Variants in GLIS3 observed in about 807,000 individuals in gnomAD.
GLIS3 encodes the protein zinc finger protein GLIS3.
A neutral mutation model predicts 78.6 loss-of-function variants in GLIS3; 53 were observed. That is an observed-to-expected ratio of 0.67 (90% CI 0.54 to 0.85). The LOEUF (loss-of-function observed/expected upper bound fraction) is 0.85, where lower values mean the gene tolerates loss of function less well. GLIS3 is among the 40% of genes least tolerant of loss of function. GLIS3 has a pLI of 0.00. For synonymous variants in GLIS3, 684 were observed against 509.9 expected (o/e 1.34, Z -4.60); for missense variants, 1,703 against 1,231.1 (o/e 1.38, Z -5.74).
At chr9:3,879,368 G>T in intron 8 of GLIS3, 59 bp downstream of exon 8, 1 of 1,522,166 alleles carries the variant, frequency 6.6e-7, no homozygotes, top group Non-Finnish European at 9.1e-7. Flanking sequence ...CAAGGCACTT[G>T]TCTGTGAAGG....
At chr9:4,047,188 G>A (rs992490201) in intron 4 of GLIS3, among the ~76,000 whole-genome samples, 78 of 152,150 alleles carry the variant, frequency 5.1e-4, no homozygotes, top group Admixed American at 2.9e-3. Context: ...TTTCACAAGG[G>A]GCTCTTCCCC....
chr9:4,300,775 G>A (rs1817035787), upstream of GLIS3, among the ~76,000 whole-genome samples: 1 of 151,842 alleles, frequency 6.6e-6, no homozygotes, highest in Admixed American at 6.6e-5. Context: ...GTTGTTACAA[G>A]AAAGTCTGCT....
At chr9:4,378,454 C>A in the GLIS3 span, among the ~76,000 whole-genome samples, 1 of 152,124 alleles carries the variant, frequency 6.6e-6, no homozygotes, top group East Asian at 1.9e-4. Flanking sequence ...CTCAGTCCAG[C>A]TTTTCCTGAC....
the GLIS3 span, among the ~76,000 whole-genome samples, chr9:4,358,660 G>A: frequency 1.3e-5 from 2 of 152,002 alleles, no homozygotes; most frequent in Non-Finnish European, 2.9e-5. Flanking sequence ...CATGGCCTTG[G>A]CATGCCTTGT....
At chr9:4,093,079 T>G (rs1179732139) in intron 4 of GLIS3, among the ~76,000 whole-genome samples, 1 of 152,150 alleles carries the variant, frequency 6.6e-6, no homozygotes, top group Non-Finnish European at 1.5e-5. Context: ...GACCAACATG[T>G]TGTTATGTGG....
the GLIS3 span, among the ~76,000 whole-genome samples, chr9:4,371,209 A>T: frequency 6.6e-6 from 1 of 152,176 alleles, no homozygotes; most frequent in Non-Finnish European, 1.5e-5. Context: ...GGGAAACACA[A>T]TTTCCATCGG....
In GLIS3 at chr9:4,309,870, T is replaced by G. The variant is rs74793210; in HGVS notation, n.392+531A>C. Among the ~76,000 whole-genome samples, 5 of 151,940 alleles carry G rather than the reference T, an allele frequency of 3.3e-5. No individual in the cohort carries two copies. The South Asian group carries it at 1.0e-3, about 32-fold the overall frequency. ...CAAGATGTAGAACTTTGTATTAGAG[T>G]ACAATAAAATTTATAATGCACAAAT... On this transcript the variant is annotated intron_variant and non_coding_transcript_variant, in intron 3 of 4. Coordinates refer to the GLIS3 transcript ENST00000471664.
At chr9:4,167,504 G>T (rs1023087690) in intron 2 of GLIS3, among the ~76,000 whole-genome samples, 2 of 152,176 alleles carry the variant, frequency 1.3e-5, no homozygotes, top group Admixed American at 1.3e-4. Context: ...CTTGAAGAGA[G>T]GACAGTGTCT....
At chr9:4,467,613 A>G in the GLIS3 span, among the ~76,000 whole-genome samples, 1 of 152,240 alleles carries the variant, frequency 6.6e-6, no homozygotes, top group Non-Finnish European at 1.5e-5. Flanking sequence ...GGACATCCAC[A>G]CCAAAACCCC....
intron 4 of GLIS3, among the ~76,000 whole-genome samples, chr9:3,953,346 A>G (rs1330299163): frequency 6.6e-6 from 1 of 152,218 alleles, no homozygotes; most frequent in South Asian, 2.1e-4. Context: ...GGTCCCCTTT[A>G]TCTCTTAGGA....
intron 8 of GLIS3, among the ~76,000 whole-genome samples, chr9:3,862,754 C>G (rs1222944851): frequency 1.3e-5 from 2 of 152,032 alleles, no homozygotes; most frequent in Non-Finnish European, 2.9e-5. Context: ...TTTTCTTTCC[C>G]TCCGCCCCCC....
intron 1 of GLIS3, among the ~76,000 whole-genome samples, chr9:4,297,279 C>T (rs1368575748): frequency 1.3e-5 from 2 of 152,166 alleles, no homozygotes; most frequent in African/African-American, 2.4e-5. Flanking sequence ...AGGTCATCTT[C>T]GAGCCAAGAA....
At chr9:4,310,702 C>A (rs1817336808) in intron 2 of GLIS3, among the ~76,000 whole-genome samples, 1 of 151,988 alleles carries the variant, frequency 6.6e-6, no homozygotes, top group Non-Finnish European at 1.5e-5. Context: ...CAAGGACCTC[C>A]TACAATGAGC....
intron 4 of GLIS3, among the ~76,000 whole-genome samples, chr9:3,984,091 C>T (rs1819531801): frequency 6.6e-6 from 1 of 152,138 alleles, no homozygotes; most frequent in Non-Finnish European, 1.5e-5. Flanking sequence ...CTGTGTGCAG[C>T]CTAGGGACTG....
intron 6 of GLIS3, among the ~76,000 whole-genome samples, chr9:3,924,568 C>A (rs1175663486): frequency 6.6e-6 from 1 of 152,122 alleles, no homozygotes; most frequent in Non-Finnish European, 1.5e-5. Context: ...GTGAAGTCAC[C>A]CTGAAAACAA....
At chr9:4,397,721 G>GA in the GLIS3 span, among the ~76,000 whole-genome samples, 1 of 54,958 alleles carries the variant, frequency 1.8e-5, no homozygotes, top group African/African-American at 6.5e-5. Flanking sequence ...AGGGAGGGAG[G>GA]GAGGGAGGGA....
At chr9:4,237,640 T>A (rs556332123) in intron 2 of GLIS3, among the ~76,000 whole-genome samples, 83 of 152,360 alleles carry the variant, frequency 5.4e-4, no homozygotes, top group African/African-American at 1.9e-3. Flanking sequence ...TCCATAAATG[T>A]ACATTTAGAA....
chr9:4,373,562 G>T, the GLIS3 span, among the ~76,000 whole-genome samples: 2 of 152,012 alleles, frequency 1.3e-5, no homozygotes, highest in Admixed American at 6.5e-5. Flanking sequence ...ATTTAAATAC[G>T]ATGCAAACTC....
At chr9:4,039,819 T>C (rs767676248) in intron 4 of GLIS3, among the ~76,000 whole-genome samples, 1 of 152,232 alleles carries the variant, frequency 6.6e-6, no homozygotes, top group Non-Finnish European at 1.5e-5. Flanking sequence ...GGTCAAGTAC[T>C]ACAGGAGTTA....
Sources: allele counts gnomAD v4.1 joint callset (sites outside exome capture counted in the v4.1 genomes callset), GRCh38; gene constraint gnomAD v4.1.1; transcripts MANE v1.5; gene names NCBI Gene and HGNC (gene_info 2026-07-23, HGNC 2026-07-21).